Variants in PLCB1 observed in about 807,000 individuals in gnomAD.
The protein encoded by PLCB1 is phospholipase C beta 1.
In PLCB1, 46 loss-of-function variants were observed where a neutral mutation model predicts 161.8. That is an observed-to-expected ratio of 0.28 (90% CI 0.22 to 0.36). The LOEUF (loss-of-function observed/expected upper bound fraction) is 0.36. Among genes scored for constraint, PLCB1 ranks in the 10% least tolerant of loss-of-function variants. The pLI, the probability that PLCB1 is intolerant of heterozygous loss-of-function variation, is 1.00. For missense variants in PLCB1, 1,016 were observed against 1,472.5 expected (o/e 0.69, Z 5.07); for synonymous variants, 517 against 503.7 (o/e 1.03, Z -0.35).
chr20:8,385,345 C>G (rs1987392137), intron 3 of PLCB1, among the ~76,000 whole-genome samples: 1 of 152,200 alleles, frequency 6.6e-6, no homozygotes, highest in South Asian at 2.1e-4. Flanking sequence ...GTGGGGGAAC[C>G]TCTTGGGACC....
intron 3 of PLCB1, among the ~76,000 whole-genome samples, chr20:8,534,814 C>A (rs992677697): frequency 5.3e-5 from 8 of 152,028 alleles, no homozygotes; most frequent in African/African-American, 1.7e-4. Context: ...GTTAATTATC[C>A]ATCTTGACAG....
At chr20:8,496,329 CAAA>C (rs71331309) in intron 3 of PLCB1, among the ~76,000 whole-genome samples, 7 of 91,974 alleles carry the variant, frequency 7.6e-5, no homozygotes, top group African/African-American at 1.1e-4. Flanking sequence ...CCCATCTCTG[CAAA>C]AAAAAAAAAA....
chr20:8,668,100 TGTG>T (rs1357067504), intron 9 of PLCB1, among the ~76,000 whole-genome samples: 2 of 150,788 alleles, frequency 1.3e-5, no homozygotes, highest in Non-Finnish European at 2.9e-5. Context: ...CAATAGTCAA[TGTG>T]ATACAACAGA....
At chr20:8,747,119 G>C (rs1434294856) in intron 23 of PLCB1, among the ~76,000 whole-genome samples, 7 of 152,192 alleles carry the variant, frequency 4.6e-5, no homozygotes, top group Admixed American at 1.3e-4. Context: ...GTGAGCACAG[G>C]ATATAAGACC....
intron 1 of PLCB1, among the ~76,000 whole-genome samples, chr20:8,136,625 C>CA (rs11404661): frequency 0.5 from 67,119 of 133,828 alleles, 16,642 homozygotes; most frequent in African/African-American, 0.65. Flanking sequence ...GACTCTGTCT[C>CA]AAAAAAAAAA....
At chr20:8,794,787 T>C (rs1036936946) in intron 31 of PLCB1, among the ~76,000 whole-genome samples, 1 of 150,594 alleles carries the variant, frequency 6.6e-6, no homozygotes, top group African/African-American at 2.4e-5. Context: ...AAGCCATTGG[T>C]AAATAAACAA....
intron 26 of PLCB1, among the ~76,000 whole-genome samples, chr20:8,773,192 A>G (rs548086982): frequency 6.6e-6 from 1 of 152,344 alleles, no homozygotes; most frequent in African/African-American, 2.4e-5. Flanking sequence ...AAAAGCAACC[A>G]GAATTACTGA....
At chr20:8,394,032 C>T (rs1443490105) in intron 3 of PLCB1, among the ~76,000 whole-genome samples, 1 of 151,810 alleles carries the variant, frequency 6.6e-6, no homozygotes, top group Non-Finnish European at 1.5e-5. Context: ...GCATTCTTCC[C>T]ACCTAATTAA....
At chr20:8,546,977 T>C (rs963769315) in intron 3 of PLCB1, among the ~76,000 whole-genome samples, 2 of 152,188 alleles carry the variant, frequency 1.3e-5, no homozygotes, top group Admixed American at 1.3e-4. Context: ...AGATTTATAA[T>C]TGCGCCTCTT....
chr20:8,739,242 T>C lies in PLCB1; in HGVS notation c.2209-19T>C, dbSNP rs765382131. ...TTGTTCATTCTTATAACCAGGTGTG[T>C]CCTTAATGTCCTTTGTAGGTGGTTC... On this transcript the variant is annotated intron_variant, in intron 20 of 31. Transcript: ENST00000338037. The C allele has an allele frequency of 1.6e-5, 22 of 1,385,982 alleles. No homozygotes were observed. The highest frequency in any genetic ancestry group is 3.5e-4 in the Middle Eastern group (2 of 5,664). The allele number at this position is 1,385,982 out of a possible 1,614,324, so 85.9% of individuals were successfully genotyped here. A position where few individuals can be genotyped will look rare whatever the true frequency, so the allele number is the denominator to read the frequency against.
At chr20:8,176,536 C>T (rs2051785725) in intron 2 of PLCB1, among the ~76,000 whole-genome samples, 1 of 152,120 alleles carries the variant, frequency 6.6e-6, no homozygotes, top group South Asian at 2.1e-4. Context: ...ATGAGGAATG[C>T]TTGTGGTGAC....
chr20:8,309,329 G>C (rs1233187355), intron 2 of PLCB1, among the ~76,000 whole-genome samples: 2 of 152,256 alleles, frequency 1.3e-5, no homozygotes, highest in East Asian at 3.9e-4. Flanking sequence ...TAATGCACAA[G>C]ACCTTACTGG....
chr20:8,333,865 T>G (rs768722382), intron 2 of PLCB1, among the ~76,000 whole-genome samples: 14 of 152,234 alleles, frequency 9.2e-5, no homozygotes, highest in Non-Finnish European at 1.5e-4. Context: ...AAGACTGTTT[T>G]GGTTCTCAAT....
At chr20:8,617,109 C>T (rs2123186817) in intron 3 of PLCB1, among the ~76,000 whole-genome samples, 1 of 152,158 alleles carries the variant, frequency 6.6e-6, no homozygotes, top group African/African-American at 2.4e-5. Context: ...AGGCCTTTTC[C>T]TGTTTCCCAG....
At chr20:8,366,334 T>G (rs2122320936) in intron 2 of PLCB1, among the ~76,000 whole-genome samples, 1 of 151,960 alleles carries the variant, frequency 6.6e-6, no homozygotes, top group African/African-American at 2.4e-5. Context: ...ATTCAGTCAA[T>G]AACTTTACCA....
rs113084509 is a variant in PLCB1 at position 8,775,667 on chromosome 20, A to T, written c.3111+948A>T. On this transcript the variant is annotated intron_variant, in intron 27 of 31. Coordinates refer to ENST00000338037, the MANE Select transcript of PLCB1 (RefSeq NM_015192.4). Reference sequence around the variant, plus strand: ...GCAATGAGTAGATCAAAATCACATGAATTGCTTATTGAAAATCAAATTCTA... The same window carrying T: ...GCAATGAGTAGATCAAAATCACATGTATTGCTTATTGAAAATCAAATTCTA... Among the ~76,000 whole-genome samples, 436 of 152,272 alleles carry T rather than the reference A, an allele frequency of 2.9e-3. 2 individuals carry two copies. The highest frequency in any genetic ancestry group is 1.0e-2 in the African/African-American group (414 of 41,538).
intron 31 of PLCB1, among the ~76,000 whole-genome samples, chr20:8,867,048 T>C (rs1987452464): frequency 6.6e-6 from 1 of 152,100 alleles, no homozygotes; most frequent in Non-Finnish European, 1.5e-5. Context: ...TAATTTTAGG[T>C]GATCGGGAGA....
intron 31 of PLCB1, among the ~76,000 whole-genome samples, chr20:8,878,178 T>C (rs1355260606): frequency 6.6e-6 from 1 of 152,178 alleles, no homozygotes; most frequent in Non-Finnish European, 1.5e-5. Flanking sequence ...TCAGGTACAA[T>C]ATATCCATAG....
intron 31 of PLCB1, among the ~76,000 whole-genome samples, chr20:8,858,720 G>A (rs1987149637): frequency 6.6e-6 from 1 of 152,052 alleles, no homozygotes; most frequent in South Asian, 2.1e-4. Flanking sequence ...TATTTCAACA[G>A]TGTAAACAGC....
Sources: gnomAD v4.1 joint callset for allele counts (sites outside exome capture counted in the v4.1 genomes callset) on GRCh38, gnomAD v4.1.1 for gene constraint, MANE v1.5 for transcripts, NCBI Gene and HGNC (gene_info 2026-07-23, HGNC 2026-07-21) for gene names.